CCDC6: variants seen among roughly 807,000 people sequenced by gnomAD.
CCDC6 encodes the protein coiled-coil domain-containing protein 6.
CCDC6 carries 20 observed loss-of-function variants against 56.6 expected under a neutral mutation model. The observed-to-expected ratio is 0.35, with a 90% CI of 0.25 to 0.51. The LOEUF is 0.51. Ranked by LOEUF, CCDC6 falls within the 20% of genes least tolerant of loss-of-function variation. The pLI is 0.95. For synonymous variants in CCDC6, 241 were observed against 234.4 expected, an observed-to-expected ratio of 1.03 and a Z score of -0.26; for missense variants, 367 against 601.1, an observed-to-expected ratio of 0.61 and a Z score of 4.07.
intron 1 of CCDC6, among the ~76,000 whole-genome samples, chr10:59,887,582 G>C (rs1301594890): frequency 2.6e-5 from 4 of 151,816 alleles, no homozygotes; most frequent in Non-Finnish European, 5.9e-5. Flanking sequence ...TTGTGTTAAA[G>C]GGAAGGGGAC....
chr10:59,881,996 G>T, intron 1 of CCDC6, among the ~76,000 whole-genome samples: 1 of 143,576 alleles, frequency 7.0e-6, no homozygotes, highest in Non-Finnish European at 1.5e-5. Context: ...GGAGGGAGAA[G>T]GAAAGCTGGG....
chr10:59,797,922 T>C (rs1053524426), intron 7 of CCDC6, among the ~76,000 whole-genome samples: 3 of 152,190 alleles, frequency 2.0e-5, no homozygotes, highest in Non-Finnish European at 4.4e-5. Context: ...AGACTCTCCT[T>C]ACTGTTAGAC....
At chr10:59,813,028 AT>A (rs2070685422) in intron 4 of CCDC6, among the ~76,000 whole-genome samples, 1 of 152,188 alleles carries the variant, frequency 6.6e-6, no homozygotes, top group Non-Finnish European at 1.5e-5. Flanking sequence ...TGACTATTAA[AT>A]GTTTTAAATT....
At chr10:59,891,087 T>C (rs1564758864) in intron 1 of CCDC6, among the ~76,000 whole-genome samples, 1 of 152,228 alleles carries the variant, frequency 6.6e-6, no homozygotes, top group Non-Finnish European at 1.5e-5. Flanking sequence ...TAAATTCGAA[T>C]TTCAGATCAA....
At chr10:59,854,618 C>G (rs1187535199) in intron 1 of CCDC6, among the ~76,000 whole-genome samples, 1 of 152,216 alleles carries the variant, frequency 6.6e-6, no homozygotes, top group Non-Finnish European at 1.5e-5. Context: ...TTCTCAATGT[C>G]TTACTCTTTC....
intron 2 of CCDC6, among the ~76,000 whole-genome samples, chr10:59,834,667 T>C (rs1246905453): frequency 1.3e-5 from 2 of 152,204 alleles, no homozygotes; most frequent in East Asian, 1.9e-4. Flanking sequence ...CTGTTTTTGA[T>C]GTTCAAGGCC....
chr10:59,839,568 C>T (rs1277880279), intron 2 of CCDC6, among the ~76,000 whole-genome samples: 1 of 152,202 alleles, frequency 6.6e-6, no homozygotes, highest in African/African-American at 2.4e-5. Flanking sequence ...CCCTCTCCAA[C>T]TCCTAGACAT....
chr10:59,801,192 G>T (rs61290458), intron 7 of CCDC6, among the ~76,000 whole-genome samples: 1 of 148,428 alleles, frequency 6.7e-6, no homozygotes, highest in African/African-American at 2.5e-5. Flanking sequence ...TTTGGCTAAA[G>T]AAAAAAAAAA....
intron 1 of CCDC6, among the ~76,000 whole-genome samples, chr10:59,857,687 T>A (rs991683136): frequency 5.3e-5 from 8 of 151,796 alleles, no homozygotes; most frequent in Non-Finnish European, 7.4e-5. Context: ...TTTTTTTTTT[T>A]AAAGAATTAC....
intron 1 of CCDC6, among the ~76,000 whole-genome samples, chr10:59,863,784 AAAGC>A (rs1438220140): frequency 6.6e-6 from 1 of 152,236 alleles, no homozygotes; most frequent in Non-Finnish European, 1.5e-5. Context: ...ATGACCTTAG[AAAGC>A]AAGGAGATAC....
chr10:59,872,791 G>C (rs1293394560), intron 1 of CCDC6, among the ~76,000 whole-genome samples: 7 of 143,490 alleles, frequency 4.9e-5, no homozygotes, highest in African/African-American at 1.8e-4. Flanking sequence ...GGGGGGTGGG[G>C]GAAGGTAACA....
chr10:59,810,275 C>T (rs1374753133), intron 5 of CCDC6, among the ~76,000 whole-genome samples: 1 of 152,168 alleles, frequency 6.6e-6, no homozygotes, highest in Non-Finnish European at 1.5e-5. Flanking sequence ...CCTTTAGGCC[C>T]AATCCAATCA....
At chr10:59,841,615 C>A (rs561181188) in intron 2 of CCDC6, among the ~76,000 whole-genome samples, 2 of 152,018 alleles carry the variant, frequency 1.3e-5, no homozygotes, top group Non-Finnish European at 2.9e-5. Flanking sequence ...GGCTAGAAAT[C>A]CACGACAACA....
intron 1 of CCDC6, among the ~76,000 whole-genome samples, chr10:59,855,676 T>G (rs2071076074): frequency 6.6e-6 from 1 of 152,192 alleles, no homozygotes; most frequent in Non-Finnish European, 1.5e-5. Context: ...TGTTCTGGAA[T>G]TAGGGCTAAT....
rs191617025 is a variant in CCDC6 at position 59,873,674 on chromosome 10, G to A, written c.304-20972C>T. Among the ~76,000 whole-genome samples, 289 of 152,222 alleles carry A rather than the reference G, an allele frequency of 1.9e-3. 2 individuals carry two copies. Among genetic ancestry groups the A allele is most frequent in the Middle Eastern group, 6.8e-3 (2 of 294 alleles). On this transcript the variant is annotated intron_variant, in intron 1 of 8. Transcript: ENST00000263102. ...ACATATCTGGCCTCATGGGATAAGA[G>A]ACTGTGGAGCTATATTTTAATATTT...
intron 1 of CCDC6, among the ~76,000 whole-genome samples, chr10:59,895,119 T>C (rs1040251949): frequency 2.6e-5 from 4 of 152,050 alleles, no homozygotes; most frequent in Non-Finnish European, 5.9e-5. Context: ...CTGGGCAACA[T>C]AGTAAGACCC....
intron 7 of CCDC6, among the ~76,000 whole-genome samples, chr10:59,802,755 T>A (rs2070588908): frequency 6.6e-6 from 1 of 152,226 alleles, no homozygotes; most frequent in East Asian, 1.9e-4. Flanking sequence ...CAGTAAGATT[T>A]TCCTGAAGAA....
intron 1 of CCDC6, among the ~76,000 whole-genome samples, chr10:59,880,433 A>C (rs577680621): frequency 6.6e-6 from 1 of 152,346 alleles, no homozygotes; most frequent in South Asian, 2.1e-4. Context: ...AAGACATTAA[A>C]CACTTAAAAA....
chr10:59,822,466 C>T (rs2070756501), intron 3 of CCDC6, among the ~76,000 whole-genome samples: 1 of 152,196 alleles, frequency 6.6e-6, no homozygotes, highest in Non-Finnish European at 1.5e-5. Flanking sequence ...TTAGGGAAAG[C>T]AAGTTTCACA....
Sources: allele counts gnomAD v4.1 joint callset (sites outside exome capture counted in the v4.1 genomes callset), GRCh38; gene constraint gnomAD v4.1.1; transcripts MANE v1.5; gene names NCBI Gene and HGNC (gene_info 2026-07-23, HGNC 2026-07-21).